NXPH2: variants seen among roughly 807,000 people sequenced by gnomAD.
NXPH2 encodes the protein neurexophilin 2.
Under a neutral mutation model 19.8 loss-of-function variants are expected in NXPH2, and 5 were observed. The observed-to-expected ratio is 0.25, with a 90% CI of 0.13 to 0.53. The LOEUF is 0.53. NXPH2 is among the 20% of genes least tolerant of loss of function. NXPH2 has a pLI of 0.96. For synonymous variants in NXPH2, 154 were observed against 127.4 expected (o/e 1.21, Z -1.41); for missense variants, 289 against 322.8 (o/e 0.90, Z 0.80).
chr2:138,733,177 G>A (rs1201319875), intron 1 of NXPH2, among the ~76,000 whole-genome samples: 1 of 152,194 alleles, frequency 6.6e-6, no homozygotes, highest in Non-Finnish European at 1.5e-5. Context: ...TGACCTGAAG[G>A]AGAAATTCCC....
intron 1 of NXPH2, among the ~76,000 whole-genome samples, chr2:138,747,130 T>C (rs1681749627): frequency 6.6e-6 from 1 of 152,170 alleles, no homozygotes; most frequent in South Asian, 2.1e-4. Context: ...TCATTCCTAA[T>C]TATTTGCTAC....
At chr2:138,691,165 GTGAA>G (rs1680739482) in intron 1 of NXPH2, among the ~76,000 whole-genome samples, 1 of 152,200 alleles carries the variant, frequency 6.6e-6, no homozygotes, top group African/African-American at 2.4e-5. Context: ...GATTATCAAG[GTGAA>G]TGTCTCACTT....
intron 1 of NXPH2, among the ~76,000 whole-genome samples, chr2:138,692,048 G>A (rs1358175386): frequency 6.6e-6 from 1 of 152,186 alleles, no homozygotes. Flanking sequence ...ACAATGTACA[G>A]GTGCTAAAGA....
chr2:138,726,570 AGC>A (rs1407509494), intron 1 of NXPH2, among the ~76,000 whole-genome samples: 2 of 151,770 alleles, frequency 1.3e-5, no homozygotes, highest in Non-Finnish European at 2.9e-5. Flanking sequence ...CCTCCAACAT[AGC>A]ACCAAAGGCC....
At chr2:138,693,635 AG>A (rs1383129253) in intron 1 of NXPH2, among the ~76,000 whole-genome samples, 1 of 152,024 alleles carries the variant, frequency 6.6e-6, no homozygotes, top group Admixed American at 6.6e-5. Context: ...AAACTATAAG[AG>A]AGCTGTATTG....
intron 1 of NXPH2, among the ~76,000 whole-genome samples, chr2:138,779,890 G>A (rs1488302449): frequency 6.6e-6 from 1 of 152,060 alleles, no homozygotes; most frequent in South Asian, 2.1e-4. Context: ...CTCCTTGACC[G>A]CTTATCAATA....
At chr2:138,727,214 G>T (rs10193137) in intron 1 of NXPH2, among the ~76,000 whole-genome samples, 52,349 of 152,028 alleles carry the variant, frequency 0.34, 11,054 homozygotes, top group Non-Finnish European at 0.49. Flanking sequence ...TCTGAGTTTG[G>T]GCAATTATAG....
At chr2:138,725,364 C>T (rs1681341474) in intron 1 of NXPH2, among the ~76,000 whole-genome samples, 1 of 152,160 alleles carries the variant, frequency 6.6e-6, no homozygotes, top group Non-Finnish European at 1.5e-5. Flanking sequence ...CCCAGATCTT[C>T]CCTTACATTG....
rs1206223841 is a variant in NXPH2, at chr2:138,669,684, C to T, written c.*1238G>A. Among the ~76,000 whole-genome samples, 1 of 152,094 alleles carries T rather than the reference C, an allele frequency of 6.6e-6. No homozygotes were observed. Among genetic ancestry groups the T allele is most frequent in the East Asian group, 1.9e-4 (1 of 5,184 alleles). On this transcript the variant is annotated 3_prime_UTR_variant, in exon 2 of 2. Transcript: ENST00000272641. ...TGAGTTCTAGAAGCCTTTTTCTTGG[C>T]CAACCAGACCCCTGTTTCTGTTCTA... is the stretch of plus-strand genomic sequence containing the variant.
intron 1 of NXPH2, among the ~76,000 whole-genome samples, chr2:138,721,380 G>C (rs1331867035): frequency 6.6e-6 from 1 of 151,692 alleles, no homozygotes; most frequent in African/African-American, 2.4e-5. Context: ...AGCTGAGCCA[G>C]CCAGAAGACT....
intron 1 of NXPH2, among the ~76,000 whole-genome samples, chr2:138,672,092 G>T (rs954683311): frequency 1.3e-5 from 2 of 152,146 alleles, no homozygotes; most frequent in Non-Finnish European, 2.9e-5. Context: ...CAATGATATT[G>T]ATAAGTCTTA....
intron 1 of NXPH2, among the ~76,000 whole-genome samples, chr2:138,684,861 G>A (rs551416674): frequency 7.9e-5 from 12 of 152,270 alleles, no homozygotes; most frequent in African/African-American, 2.6e-4. Context: ...TATCAGTCCA[G>A]GCTGGCAATA....
At chr2:138,734,060 T>C (rs957082337) in intron 1 of NXPH2, among the ~76,000 whole-genome samples, 1 of 152,112 alleles carries the variant, frequency 6.6e-6, no homozygotes, top group African/African-American at 2.4e-5. Context: ...GTCTGGCCAA[T>C]ATGGTGAAAG....
At chr2:138,707,935 C>T (rs569126483) in intron 1 of NXPH2, among the ~76,000 whole-genome samples, 1 of 152,218 alleles carries the variant, frequency 6.6e-6, no homozygotes, top group East Asian at 1.9e-4. Flanking sequence ...TAAAATCTGA[C>T]CTTGTCAGAA....
At chr2:138,737,329 C>T (rs777234619) in intron 1 of NXPH2, among the ~76,000 whole-genome samples, 1 of 152,180 alleles carries the variant, frequency 6.6e-6, no homozygotes, top group Non-Finnish European at 1.5e-5. Context: ...TCACATCTTA[C>T]ATGGATGGCA....
At chr2:138,672,151 CAT>C (rs925102218) in intron 1 of NXPH2, among the ~76,000 whole-genome samples, 15 of 152,230 alleles carry the variant, frequency 9.9e-5, no homozygotes, top group Middle Eastern at 3.4e-3. Context: ...AGGCTTATAA[CAT>C]GTAATTTCAT....
chr2:138,765,837 G>A (rs1182868219), intron 1 of NXPH2, among the ~76,000 whole-genome samples: 54 of 152,194 alleles, frequency 3.5e-4, no homozygotes, highest in Admixed American at 3.5e-3. Flanking sequence ...CAAGTGTGAT[G>A]TAGTTCACGT....
chr2:138,727,082 G>T (rs1329826621), intron 1 of NXPH2, among the ~76,000 whole-genome samples: 2 of 152,088 alleles, frequency 1.3e-5, no homozygotes, highest in African/African-American at 4.8e-5. Flanking sequence ...TGCATTTAAG[G>T]TTCTTCCAAG....
intron 1 of NXPH2, among the ~76,000 whole-genome samples, chr2:138,778,800 A>C (rs1682305848): frequency 6.6e-6 from 1 of 152,206 alleles, no homozygotes; most frequent in African/African-American, 2.4e-5. Flanking sequence ...CTAAGATGTA[A>C]AATGTATTTT....
Sources: allele counts gnomAD v4.1 joint callset (sites outside exome capture counted in the v4.1 genomes callset), GRCh38; gene constraint gnomAD v4.1.1; transcripts MANE v1.5; gene names NCBI Gene and HGNC (gene_info 2026-07-23, HGNC 2026-07-21).